IFT140: variants seen among roughly 807,000 people sequenced by gnomAD.
The protein encoded by IFT140 is intraflagellar transport protein 140 homolog.
In IFT140, 133 loss-of-function variants were observed where a neutral mutation model predicts 164.6. That is an observed-to-expected ratio of 0.81 (90% CI 0.70 to 0.93). The LOEUF (loss-of-function observed/expected upper bound fraction) is 0.93, where lower values mean the gene tolerates loss of function less well. Ranked by LOEUF, IFT140 falls within the 40% of genes least tolerant of loss-of-function variation. IFT140 has a pLI of 0.00. For synonymous variants in IFT140, 860 were observed against 817.3 expected, an observed-to-expected ratio of 1.05 and a Z score of -0.89; for missense variants, 2,045 against 1,972.3, an observed-to-expected ratio of 1.04 and a Z score of -0.70.
chr16:1,580,585 T>C (rs2034504068), intron 13 of IFT140, 174 bp downstream of exon 13: 2 of 534,774 alleles, frequency 3.7e-6, no homozygotes, highest in Admixed American at 3.3e-5. Flanking sequence ...CCTGCAGTAA[T>C]GTGAGTCAAC....
rs145968745 is a variant in IFT140 at position 1,524,644 on chromosome 16, C to T, written c.3049G>A (p.Ala1017Thr). The T allele has an allele frequency of 2.5e-6, 4 of 1,591,476 alleles. No individual in the cohort carries two copies. The highest frequency in any genetic ancestry group is 2.3e-5 in the East Asian group (1 of 44,424). ...TGNLAASYHL[A>T]RQYESQEEVG... is the part of the protein sequence containing the mutation. ...TCCTCCTGGCTCTCGTACTGGCGGG[C>T]GAGGTGGTAGGAGGCCGCCAGGTTT... The change falls in exon 24 of 31, where the codon GCC (alanine) becomes ACC (threonine). Residue 1017 changes from alanine to threonine, a missense_variant. Physicochemically the swap from Ala to Thr is moderately conservative, Grantham distance 58. Transcript: ENST00000426508.
At chr16:1,606,890 G>GCA (rs541852157) in intron 3 of IFT140, among the ~76,000 whole-genome samples, 115 of 151,392 alleles carry the variant, frequency 7.6e-4, no homozygotes, top group Non-Finnish European at 1.5e-3. Flanking sequence ...GCATACAGAT[G>GCA]CACACACACA....
At chr16:1,554,101 C>T (rs773606031) in intron 19 of IFT140, 42 of 1,286,956 alleles carry the variant, frequency 3.3e-5, no homozygotes, top group East Asian at 5.6e-5. Context: ...GGGTCTAGAA[C>T]GAGAAGCACT....
intron 30 of IFT140, among the ~76,000 whole-genome samples, chr16:1,513,667 CTTTCT>C (rs1407592706): frequency 3.3e-3 from 294 of 88,046 alleles, no homozygotes; most frequent in Non-Finnish European, 4.6e-3. Flanking sequence ...CTTCTCACAA[CTTTCT>C]TTTTTTTTTT....
chr16:1,526,016 T>A lies in IFT140; in HGVS notation c.2639A>T (p.Gln880Leu). Residue 880 changes from glutamine (Q) to leucine (L), a missense_variant, in exon 21 of 31, where the codon CAG becomes CTG. Transcript: ENST00000426508. ...GGCCTCCTGCCACCGGCCCGCAGCCTGGTAGAACTTGTTCAGGAGGTCGTG... is the reference window on the plus strand; with the variant it reads ...GGCCTCCTGCCACCGGCCCGCAGCCAGGTAGAACTTGTTCAGGAGGTCGTG... ...KRHDLLNKFY[Q>L]AAGRWQEALQ... 6.2e-7 allele frequency: 1 copy of A among 1,602,002 alleles called. No individual in the cohort carries two copies. The highest frequency in any genetic ancestry group is 8.5e-7 in the Non-Finnish European group (1 of 1,174,688).
intron 20 of IFT140, 135 bp from the exon 21 acceptor site, chr16:1,526,212 C>G: frequency 1.2e-6 from 1 of 845,556 alleles, no homozygotes; most frequent in South Asian, 1.7e-5. Flanking sequence ...CCGCTGTGGG[C>G]ACAGCAAACG....
intron 15 of IFT140, among the ~76,000 whole-genome samples, chr16:1,567,573 G>T (rs2033787005): frequency 6.6e-6 from 1 of 152,256 alleles, no homozygotes; most frequent in Admixed American, 6.5e-5. Context: ...CAGGCAGTGG[G>T]CGGGGTCCTT....
chr16:1,558,737 G>A (rs2141473801), intron 18 of IFT140, among the ~76,000 whole-genome samples: 1 of 152,338 alleles, frequency 6.6e-6, no homozygotes, highest in African/African-American at 2.4e-5. Context: ...CGCTCTCTGG[G>A]CTCTAGCCCT....
intron 19 of IFT140, chr16:1,540,994 T>C (rs1468575988): frequency 1.7e-5 from 17 of 985,084 alleles, no homozygotes; most frequent in Non-Finnish European, 2.0e-5. Flanking sequence ...TTTGGGCCCC[T>C]GTGTAAGGTT....
intron 6 of IFT140, among the ~76,000 whole-genome samples, chr16:1,590,098 G>A (rs555607467): frequency 3.2e-4 from 48 of 149,570 alleles, no homozygotes; most frequent in African/African-American, 1.1e-3. Context: ...CTACTTGGGA[G>A]ACCTAGGCAT....
chr16:1,569,483 TTCCC>T (rs1481145231), intron 14 of IFT140, among the ~76,000 whole-genome samples: 1 of 141,716 alleles, frequency 7.1e-6, no homozygotes, highest in Non-Finnish European at 1.5e-5. Context: ...CCTTCCTTCT[TTCCC>T]TCCTCCCTCC....
intron 11 of IFT140, among the ~76,000 whole-genome samples, chr16:1,583,886 A>G (rs1567401954): frequency 6.6e-6 from 1 of 152,064 alleles, no homozygotes; most frequent in African/African-American, 2.4e-5. Flanking sequence ...CTGGGATTAC[A>G]GGCATACACC....
In IFT140 at chr16:1,519,881, C is replaced by T; in HGVS notation, c.4040G>A (p.Arg1347Lys). 1 of 1,537,170 alleles carries T rather than the reference C, an allele frequency of 6.5e-7. No homozygotes were observed. The highest frequency in any genetic ancestry group is 1.3e-5 in the South Asian group (1 of 78,724). The change falls in exon 29 of 31, where the codon AGG (arginine) becomes AAG (lysine). Residue 1347 changes from arginine to lysine, a missense_variant and splice_region_variant. Arg to Lys is a conservative substitution (Grantham distance 26). Transcript: ENST00000426508. ...ALVKRFIQAR[R>K]TYTEDPKESI... ...GTCCCCGCTGGCCCCGGGGGCACAC[C>T]TGCGGGCCTGGATGAACCTCTTCAC...
At chr16:1,545,538 G>A (rs2032099018) in intron 19 of IFT140, among the ~76,000 whole-genome samples, 1 of 152,194 alleles carries the variant, frequency 6.6e-6, no homozygotes, top group Admixed American at 6.5e-5. Context: ...ACTCGCGTCT[G>A]TTTTAAACAG....
Position 1,510,676 on chromosome 16 carries a change from T to C in IFT140, c.*268A>G, listed in dbSNP as rs2040109777. 1.8e-6 allele frequency: 1 copy of C among 565,666 alleles called. No homozygotes were observed. Among genetic ancestry groups the C allele is most frequent in the Non-Finnish European group, 3.2e-6 (1 of 316,682 alleles). 35.0% of individuals were successfully genotyped at this position (565,666 alleles called of 1,614,324 possible). A position where few individuals can be genotyped will look rare whatever the true frequency, so the allele number is the denominator to read the frequency against. On this transcript the variant is annotated 3_prime_UTR_variant, in exon 31 of 31. Transcript: ENST00000426508. ...ACAATGTGTAGTTGGGAGAATACGA[T>C]GGAAGGGTGAACCCGACTCCCTTCA...
rs1020146877 is a variant in IFT140 at position 1,523,058 on chromosome 16, GA to G, written c.3453+459del. Among the ~76,000 whole-genome samples the G allele has an allele frequency of 7.3e-5, 11 of 151,314 alleles. No homozygotes were observed. The South Asian group carries it at 2.1e-3, about 29-fold the overall frequency. ...CAACACAGCAAGACCCTGAGTCTAT[GA>G]AAAAAAATTTAAAAAATTAGCTGGG... On this transcript the variant is annotated intron_variant, in intron 26 of 30. Coordinates refer to ENST00000426508, the MANE Select transcript of IFT140 (RefSeq NM_014714.4).
Position 1,602,460 on chromosome 16 carries a change from C to T in IFT140, c.279G>A (p.Lys93=). The T allele has an allele frequency of 1.2e-6, 2 of 1,614,216 alleles. No homozygotes were observed. Among genetic ancestry groups the T allele is most frequent in the Non-Finnish European group, 1.7e-6 (2 of 1,180,036 alleles). The part of the protein sequence containing the change: ...GEVTVFNKQD[K]EQHTMPLTHT... Reference sequence around the variant, plus strand: ...GTGTCAGGGGCATCGTGTGCTGCTCCTTGTCCTGCTTGTTAAACACCGTCA... The same window carrying T: ...GTGTCAGGGGCATCGTGTGCTGCTCTTTGTCCTGCTTGTTAAACACCGTCA... Residue 93 remains lysine (K), a synonymous_variant, in exon 4 of 31, where the codon AAG becomes AAA. Transcript: ENST00000426508.
chr16:1,534,499 C>T lies in IFT140; in HGVS notation c.2400-7703G>A, dbSNP rs371456439. 29 of 1,609,208 alleles carry T rather than the reference C, an allele frequency of 1.8e-5. No homozygotes were observed. Among genetic ancestry groups the T allele is most frequent in the East Asian group, 1.3e-4 (6 of 44,884 alleles). The stretch of plus-strand genomic sequence containing the variant: ...CAGGTGGACGCACATGACTGTGAGG[C>T]GCTGGGCTGGGGCTCCGAGGCAGCC... On this transcript the variant is annotated intron_variant, in intron 19 of 30. Coordinates refer to ENST00000426508, the MANE Select transcript of IFT140 (RefSeq NM_014714.4).
At chr16:1,583,259 G>T in intron 12 of IFT140, 55 bp downstream of exon 12, 1 of 1,460,312 alleles carries the variant, frequency 6.8e-7, no homozygotes, top group Non-Finnish European at 9.6e-7. Flanking sequence ...CATTAGGCAG[G>T]GAGGAAATAA....
Sources: allele counts gnomAD v4.1 joint callset (sites outside exome capture counted in the v4.1 genomes callset), GRCh38; gene constraint gnomAD v4.1.1; transcripts MANE v1.5; gene names NCBI Gene and HGNC (gene_info 2026-07-23, HGNC 2026-07-21).